Variants in PHF20 observed in about 807,000 individuals in gnomAD.
PHF20 encodes the protein glioma-expressed antigen 2.
Under a neutral mutation model 113.5 loss-of-function variants are expected in PHF20, and 23 were observed. That is an observed-to-expected ratio of 0.20 (90% CI 0.15 to 0.29). The LOEUF is 0.29. Among genes scored for constraint, PHF20 ranks in the 10% least tolerant of loss-of-function variants. PHF20 has a pLI of 1.00. For synonymous variants in PHF20, 434 were observed against 457.3 expected (o/e 0.95, Z 0.65); for missense variants, 943 against 1,219.6 (o/e 0.77, Z 3.38).
chr20:35,862,820 T>C (rs911775348), intron 5 of PHF20, among the ~76,000 whole-genome samples, 193 bp from the exon 6 acceptor site: 2 of 152,210 alleles, frequency 1.3e-5, no homozygotes, highest in Non-Finnish European at 2.9e-5. Flanking sequence ...TCCGGAATAA[T>C]TGAATTGTTT....
At position 35,948,982 on chromosome 20, in the gene PHF20, C is replaced by T. The variant is rs901279275; in HGVS notation, c.*1355C>T. On this transcript the variant is annotated 3_prime_UTR_variant, in exon 18 of 18. Coordinates refer to ENST00000374012, the MANE Select transcript of PHF20 (RefSeq NM_016436.5). ...AATATCTCAATAGTAGTAACAGTAT[C>T]TTTAGCGACCTTTGGAATAGTTAAG... The T allele has an allele frequency of 6.6e-6, 1 of 152,628 alleles. No individual in the cohort carries two copies. Among genetic ancestry groups the T allele is most frequent in the Non-Finnish European group, 1.5e-5 (1 of 68,030 alleles). 9.5% of individuals were successfully genotyped at this position (152,628 alleles called of 1,614,324 possible).
chr20:35,820,116 C>T (rs1212451499), intron 2 of PHF20, among the ~76,000 whole-genome samples: 3 of 152,104 alleles, frequency 2.0e-5, no homozygotes, highest in Non-Finnish European at 4.4e-5. Context: ...TTGATCCCCA[C>T]GCATGTGTTC....
intron 2 of PHF20, among the ~76,000 whole-genome samples, chr20:35,826,293 G>A (rs1433935308): frequency 6.6e-6 from 1 of 151,984 alleles, no homozygotes; most frequent in East Asian, 1.9e-4. Flanking sequence ...ATCTGCCCGC[G>A]TCGGCCTCCC....
At chr20:35,823,010 G>C (rs559603278) in intron 2 of PHF20, among the ~76,000 whole-genome samples, 1 of 151,982 alleles carries the variant, frequency 6.6e-6, no homozygotes, top group Non-Finnish European at 1.5e-5. Flanking sequence ...ACCATAGTTT[G>C]CATTAAGGTT....
rs539047460 is a variant in PHF20 at position 35,862,934 on chromosome 20, T to C, written c.421-79T>C. The C allele has an allele frequency of 6.5e-6, 9 of 1,393,744 alleles. No homozygotes were observed. The East Asian group carries it at 1.8e-4, about 28-fold the overall frequency. The allele number at this position is 1,393,744 out of a possible 1,614,324, so 86.3% of individuals were successfully genotyped here. A position where few individuals can be genotyped will look rare whatever the true frequency, so the allele number is the denominator to read the frequency against. ...CTTGTTTTAATTTCTTTGTTTGTCT[T>C]CATAAGTTTGTAAGAAACTCCTAAT... On this transcript the variant is annotated intron_variant, in intron 5 of 17. Transcript: ENST00000374012.
chr20:35,776,316 T>C (rs567309035), intron 1 of PHF20, among the ~76,000 whole-genome samples: 16 of 152,200 alleles, frequency 1.1e-4, no homozygotes, highest in African/African-American at 3.9e-4. Context: ...GTTCTGGAAA[T>C]GGGCCAGGAA....
intron 17 of PHF20, among the ~76,000 whole-genome samples, 165 bp downstream of exon 17, chr20:35,941,212 C>G (rs1600975225): frequency 6.6e-6 from 1 of 152,160 alleles, no homozygotes; most frequent in African/African-American, 2.4e-5. Context: ...GATGGATGAG[C>G]CTTACTTTTA....
At chr20:35,947,341 TCCTCCCTTGCCC>T in intron 17 of PHF20, 132 bp from the exon 18 acceptor site, 3 of 709,400 alleles carry the variant, frequency 4.2e-6, no homozygotes, top group Admixed American at 2.7e-5. Flanking sequence ...AAATGGCCCT[TCCTCCCTTGCCC>T]CATGGAGGCT....
intron 1 of PHF20, among the ~76,000 whole-genome samples, chr20:35,790,691 G>GT (rs2041527201): frequency 1.3e-5 from 2 of 152,116 alleles, no homozygotes; most frequent in Non-Finnish European, 2.9e-5. Flanking sequence ...CATAACCGCT[G>GT]TGTCCCACAG....
chr20:35,868,248 G>A (rs1357029354), intron 6 of PHF20, among the ~76,000 whole-genome samples: 2 of 151,494 alleles, frequency 1.3e-5, no homozygotes, highest in East Asian at 1.9e-4. Context: ...AGCTGAGATC[G>A]CACCATTGCA....
intron 3 of PHF20, among the ~76,000 whole-genome samples, chr20:35,843,476 C>G (rs1448211350): frequency 1.4e-5 from 2 of 141,426 alleles, no homozygotes; most frequent in Non-Finnish European, 3.0e-5. Context: ...CCAAGATGAT[C>G]ATGCCACTCC....
chr20:35,945,536 T>C (rs1181905659), intron 17 of PHF20, among the ~76,000 whole-genome samples: 1 of 151,950 alleles, frequency 6.6e-6, no homozygotes, highest in Non-Finnish European at 1.5e-5. Context: ...CAGGAGAGGA[T>C]TGCGCAGTAG....
chr20:35,814,872 CAA>C (rs761940820), intron 2 of PHF20, among the ~76,000 whole-genome samples: 15 of 52,268 alleles, frequency 2.9e-4, no homozygotes, highest in African/African-American at 3.2e-4. Context: ...GACTCCGTCT[CAA>C]AAAAAAAAAA....
intron 4 of PHF20, among the ~76,000 whole-genome samples, chr20:35,848,107 C>T (rs1262154186): frequency 1.3e-5 from 2 of 152,114 alleles, no homozygotes; most frequent in African/African-American, 4.8e-5. Context: ...TCCATGATCT[C>T]TGAAGTGAGT....
At chr20:35,917,766 C>T in intron 13 of PHF20, 104 bp downstream of exon 13, 2 of 973,166 alleles carry the variant, frequency 2.1e-6, no homozygotes, top group Non-Finnish European at 3.1e-6. Context: ...GCCCCAGAAA[C>T]ACAGCACGAA....
chr20:35,829,126 A>G (rs980287329), intron 2 of PHF20, among the ~76,000 whole-genome samples: 5 of 152,086 alleles, frequency 3.3e-5, no homozygotes, highest in African/African-American at 7.2e-5. Flanking sequence ...AGACATCTAG[A>G]ATGTTCTCAC....
intron 14 of PHF20, 38 bp downstream of exon 14, chr20:35,927,917 G>A: frequency 7.1e-7 from 1 of 1,412,276 alleles, no homozygotes; most frequent in Non-Finnish European, 1.0e-6. Flanking sequence ...ACAGTATGTA[G>A]CCTTTTCCTT....
chr20:35,931,883 G>A (rs144149010), intron 15 of PHF20, among the ~76,000 whole-genome samples: 5,861 of 151,892 alleles, frequency 0.039, 213 homozygotes, highest in South Asian at 0.2. Flanking sequence ...CCCGGGAGGC[G>A]GAGGTTGTGG....
intron 9 of PHF20, among the ~76,000 whole-genome samples, chr20:35,876,790 G>GT (rs1433641970): frequency 1.3e-5 from 2 of 151,586 alleles, no homozygotes; most frequent in East Asian, 3.9e-4. Context: ...GGCCAACATG[G>GT]TGAAACCCCA....
Sources: allele counts gnomAD v4.1 joint callset (sites outside exome capture counted in the v4.1 genomes callset), GRCh38; gene constraint gnomAD v4.1.1; transcripts MANE v1.5; gene names NCBI Gene and HGNC (gene_info 2026-07-23, HGNC 2026-07-21).